The following PRKCI variants were observed in gnomAD, a reference collection of about 807,000 sequenced individuals.
The protein encoded by PRKCI is protein kinase C iota.
Under a neutral mutation model 84.0 loss-of-function variants are expected in PRKCI, and 43 were observed. That is an observed-to-expected ratio of 0.51 (90% confidence interval 0.40 to 0.66). PRKCI has a LOEUF of 0.66. PRKCI is among the 30% of genes least tolerant of loss of function. The pLI, the probability that PRKCI is intolerant of heterozygous loss-of-function variation, is 0.00. For missense variants in PRKCI, 459 were observed against 745.6 expected (o/e 0.62, Z 4.48); for synonymous variants, 216 against 234.4 (o/e 0.92, Z 0.72).
intron 2 of PRKCI, among the ~76,000 whole-genome samples, chr3:170,238,858 T>C (rs1229890720): frequency 6.6e-6 from 1 of 152,170 alleles, no homozygotes; most frequent in Non-Finnish European, 1.5e-5. Context: ...CCCAAAGTGC[T>C]GGGATTACAG....
intron 7 of PRKCI, 93 bp from the exon 8 acceptor site, chr3:170,275,136 G>T: frequency 7.3e-7 from 1 of 1,363,990 alleles, no homozygotes; most frequent in Non-Finnish European, 9.6e-7. Flanking sequence ...AAAATCAGGA[G>T]ACAATTTTTA....
At chr3:170,297,427 T>A (rs1325923704) in intron 16 of PRKCI, 34 bp downstream of exon 16, 1 of 1,534,224 alleles carries the variant, frequency 6.5e-7, no homozygotes, top group Admixed American at 1.8e-5. Context: ...CTATTAGGTT[T>A]CATTATTATC....
chr3:170,298,437 C>T lies in PRKCI; in HGVS notation c.1588-558C>T, dbSNP rs35311488. 7.9e-3 allele frequency among the ~76,000 whole-genome samples: 1,107 copies of T among 140,366 alleles called. 5 individuals are homozygous for T. Among genetic ancestry groups the T allele is most frequent in the Non-Finnish European group, 0.01 (685 of 65,262 alleles). 92.1% of individuals were successfully genotyped at this position (140,366 alleles called of 152,430 possible). On this transcript the variant is annotated intron_variant, in intron 16 of 17. Transcript: ENST00000295797. Reference sequence around the variant, plus strand: ...TTTTTTTTTTTGAGATGGTGTCTTGCTCTGTCTCCCAGGCTGGAGTGTAGT... The same window carrying T: ...TTTTTTTTTTTGAGATGGTGTCTTGTTCTGTCTCCCAGGCTGGAGTGTAGT...
intron 2 of PRKCI, among the ~76,000 whole-genome samples, chr3:170,236,055 G>A (rs897811047): frequency 2.6e-5 from 4 of 151,166 alleles, no homozygotes; most frequent in Non-Finnish European, 4.4e-5. Flanking sequence ...CAAAGTACTG[G>A]GATTGCAAGC....
chr3:170,245,134 C>T (rs1169931555), intron 2 of PRKCI, among the ~76,000 whole-genome samples: 1 of 151,402 alleles, frequency 6.6e-6, no homozygotes, highest in Non-Finnish European at 1.5e-5. Flanking sequence ...TGGGAGAAGT[C>T]AGTTGTAGGG....
At chr3:170,295,884 A>T in intron 14 of PRKCI, 27 bp from the exon 15 acceptor site, 2 of 1,362,926 alleles carry the variant, frequency 1.5e-6, no homozygotes, top group Non-Finnish European at 2.0e-6. Context: ...AAAGTTAAAT[A>T]TAATACTATA....
At chr3:170,247,980 T>G (rs1733333073) in intron 2 of PRKCI, among the ~76,000 whole-genome samples, 1 of 152,160 alleles carries the variant, frequency 6.6e-6, no homozygotes. Context: ...CAGTGACTTT[T>G]GCAAGTGGTT....
intron 12 of PRKCI, among the ~76,000 whole-genome samples, chr3:170,285,369 G>A (rs1258446380): frequency 6.6e-6 from 1 of 151,980 alleles, no homozygotes; most frequent in Admixed American, 6.6e-5. Context: ...GTGAGCCATC[G>A]CGCCTGGCCT....
intron 1 of PRKCI, among the ~76,000 whole-genome samples, chr3:170,233,977 T>C (rs1425560335): frequency 6.8e-6 from 1 of 147,888 alleles, no homozygotes; most frequent in Non-Finnish European, 1.5e-5. Context: ...CACCTCAGCC[T>C]CCCAAAGTAC....
chr3:170,235,470 C>T, intron 2 of PRKCI, 119 bp downstream of exon 2: 1 of 1,109,170 alleles, frequency 9.0e-7, no homozygotes. Flanking sequence ...AAATTTGATG[C>T]CATTCTTGTT....
At chr3:170,248,112 G>C (rs1309726728) in intron 2 of PRKCI, among the ~76,000 whole-genome samples, 1 of 152,140 alleles carries the variant, frequency 6.6e-6, no homozygotes, top group Non-Finnish European at 1.5e-5. Context: ...GTGTGATACT[G>C]TCTCAGAGGT....
intron 15 of PRKCI, among the ~76,000 whole-genome samples, chr3:170,296,939 AAAAC>A (rs1734699499): frequency 6.6e-6 from 1 of 152,282 alleles, no homozygotes. Flanking sequence ...AATTAAGCTA[AAAAC>A]AAACTTCTCA....
intron 14 of PRKCI, 97 bp downstream of exon 14, chr3:170,293,605 G>T: frequency 7.6e-7 from 1 of 1,319,930 alleles, no homozygotes; most frequent in Non-Finnish European, 1.0e-6. Context: ...AGAAAAATGA[G>T]CATAATCTGG....
Position 170,295,923 on chromosome 3 carries a change from AAC to A in PRKCI, c.1432_1433del (p.Gln478AsnfsTer20), listed in dbSNP as rs756614477. Reference sequence around the variant, plus strand: ...TTTATCTTTCTAGTTATTTTGGAAAAACAAATTCGCATACCACGTTCTCTGTC... The same window carrying A: ...TTTATCTTTCTAGTTATTTTGGAAAAAAATTCGCATACCACGTTCTCTGTC... On this transcript the variant is annotated frameshift_variant, in exon 15 of 18. Transcript: ENST00000295797. LOFTEE classifies it high-confidence loss of function. The A allele has an allele frequency of 6.4e-7, 1 of 1,570,462 alleles. No homozygotes were observed. The highest frequency in any genetic ancestry group is 1.8e-5 in the Admixed American group (1 of 56,884).
chr3:170,238,656 A>C lies in PRKCI; in HGVS notation c.223+3305A>C, dbSNP rs140708136. 3.3e-3 allele frequency among the ~76,000 whole-genome samples: 476 copies of C among 142,356 alleles called. 1 individual carries two copies. The highest frequency in any genetic ancestry group is 0.011 in the African/African-American group (419 of 37,676). 93.4% of individuals were successfully genotyped at this position (142,356 alleles called of 152,430 possible). A position where few individuals can be genotyped will look rare whatever the true frequency, so the allele number is the denominator to read the frequency against. ...GCCCAGGCTGGAGTGCAGTGTCTCG[A>C]TCTCCGCCCACTGCAACCTCCTCCT... On this transcript the variant is annotated intron_variant, in intron 2 of 17. Transcript: ENST00000295797.
chr3:170,225,775 T>A (rs185977457), intron 1 of PRKCI, among the ~76,000 whole-genome samples: 131 of 152,170 alleles, frequency 8.6e-4, no homozygotes, highest in Non-Finnish European at 1.5e-3. Flanking sequence ...AGCATTTTTT[T>A]TAGTGAAAAA....
intron 1 of PRKCI, among the ~76,000 whole-genome samples, chr3:170,227,098 A>G (rs1295194875): frequency 2.0e-5 from 3 of 152,252 alleles, no homozygotes; most frequent in African/African-American, 7.2e-5. Flanking sequence ...AACTCTGCAC[A>G]GAAAAATTCT....
intron 15 of PRKCI, 57 bp from the exon 16 acceptor site, chr3:170,297,247 T>C: frequency 7.3e-7 from 1 of 1,369,890 alleles, no homozygotes. Context: ...ATCACAAAGA[T>C]GATTTATTTT....
At chr3:170,265,620 C>CTT (rs111545487) in intron 4 of PRKCI, among the ~76,000 whole-genome samples, 2,278 of 142,346 alleles carry the variant, frequency 0.016, 38 homozygotes, top group East Asian at 0.085. Context: ...CTTTCTTTTT[C>CTT]TTTTTTTTTT....
Sources: allele counts gnomAD v4.1 joint callset (sites outside exome capture counted in the v4.1 genomes callset), GRCh38; gene constraint gnomAD v4.1.1; transcripts MANE v1.5; gene names NCBI Gene and HGNC (gene_info 2026-07-23, HGNC 2026-07-21).